SOX5: variants seen among roughly 807,000 people sequenced by gnomAD.
The protein encoded by SOX5 is SRY-box transcription factor 5, also known as transcription factor SOX-5.
In SOX5, 9 loss-of-function variants were observed where a neutral mutation model predicts 92.0. The ratio of observed to expected loss-of-function variants is 0.10; its 90% CI spans 0.06 to 0.17. The LOEUF (loss-of-function observed/expected upper bound fraction) is 0.17, where lower values mean the gene tolerates loss of function less well. Ranked by LOEUF, SOX5 falls within the 10% of genes least tolerant of loss-of-function variation. The pLI, the probability that SOX5 is intolerant of heterozygous loss-of-function variation, is 1.00. For missense variants in SOX5, 642 were observed against 944.5 expected (o/e 0.68, Z 4.20); for synonymous variants, 344 against 336.3 (o/e 1.02, Z -0.25).
chr12:23,779,790 T>A (rs543102442), intron 3 of SOX5, among the ~76,000 whole-genome samples: 19 of 73,902 alleles, frequency 2.6e-4, no homozygotes, highest in African/African-American at 5.9e-4. Flanking sequence ...CAGATTAAAA[T>A]ATATATATAT....
At chr12:23,914,764 T>C (rs1244841135) in intron 1 of SOX5, among the ~76,000 whole-genome samples, 2 of 152,166 alleles carry the variant, frequency 1.3e-5, no homozygotes, top group African/African-American at 4.8e-5. Flanking sequence ...TTAACTTTTT[T>C]ATTATAATAA....
At chr12:23,723,666 A>G (rs1272089402) in intron 6 of SOX5, among the ~76,000 whole-genome samples, 5 of 151,526 alleles carry the variant, frequency 3.3e-5, no homozygotes, top group African/African-American at 1.2e-4. Context: ...ATAAAAGAAA[A>G]GTAAATGATC....
At chr12:24,096,267 A>C (rs1256655788) in intron 4 of SOX5, among the ~76,000 whole-genome samples, 5 of 152,124 alleles carry the variant, frequency 3.3e-5, no homozygotes, top group Non-Finnish European at 5.9e-5. Context: ...TACCTCCCAT[A>C]ACCCCCAAAC....
intron 3 of SOX5, among the ~76,000 whole-genome samples, chr12:23,834,426 G>C (rs1228704952): frequency 6.6e-6 from 1 of 151,772 alleles, no homozygotes; most frequent in African/African-American, 2.4e-5. Flanking sequence ...ATAATAACAC[G>C]AGCAAATCAG....
At chr12:24,114,602 A>AAAAAAG (rs1565464302) in intron 4 of SOX5, among the ~76,000 whole-genome samples, 6 of 147,962 alleles carry the variant, frequency 4.1e-5, no homozygotes, top group African/African-American at 1.0e-4. Flanking sequence ...AAAAAAAAAA[A>AAAAAAG]AAATTAACAG....
At chr12:24,132,863 G>A (rs909122940) in intron 4 of SOX5, among the ~76,000 whole-genome samples, 1 of 152,072 alleles carries the variant, frequency 6.6e-6, no homozygotes, top group Admixed American at 6.6e-5. Flanking sequence ...GCTTTTGCAA[G>A]GGTTTACACA....
intron 1 of SOX5, among the ~76,000 whole-genome samples, chr12:24,400,467 T>A (rs1961259508): frequency 6.6e-6 from 1 of 152,212 alleles, no homozygotes; most frequent in Non-Finnish European, 1.5e-5. Context: ...AACAGCAATG[T>A]TAAAGCAAAA....
At chr12:23,613,455 T>G (rs534549667) in intron 8 of SOX5, among the ~76,000 whole-genome samples, 15 of 152,102 alleles carry the variant, frequency 9.9e-5, no homozygotes, top group Non-Finnish European at 2.2e-4. Flanking sequence ...AATATGGTGG[T>G]TCCTCAAAAA....
intron 8 of SOX5, among the ~76,000 whole-genome samples, chr12:23,639,329 G>A (rs1304098863): frequency 6.6e-6 from 1 of 152,118 alleles, no homozygotes; most frequent in Non-Finnish European, 1.5e-5. Context: ...GAAGAGAGTC[G>A]TGCAATGAAC....
At chr12:24,108,253 T>A (rs1946908979) in intron 4 of SOX5, among the ~76,000 whole-genome samples, 1 of 152,218 alleles carries the variant, frequency 6.6e-6, no homozygotes, top group Admixed American at 6.5e-5. Context: ...TCTGCAGAAA[T>A]CTATTTCACT....
Position 23,549,054 on chromosome 12 carries a change from A to G in SOX5, c.1489-2630T>C, listed in dbSNP as rs189954404. On this transcript the variant is annotated intron_variant, in intron 11 of 14. Coordinates refer to ENST00000451604, the MANE Select transcript of SOX5 (RefSeq NM_006940.6). ...GCACTATCATGTATAAAGCTCAACCATTTGAGGTTCTGTTCTGTGGGTTAA... is the reference window on the plus strand; with the variant it reads ...GCACTATCATGTATAAAGCTCAACCGTTTGAGGTTCTGTTCTGTGGGTTAA... Among the ~76,000 whole-genome samples, 249 of 152,016 alleles carry G rather than the reference A, an allele frequency of 1.6e-3. 1 individual carries two copies. The highest frequency in any genetic ancestry group is 3.2e-3 in the Non-Finnish European group (220 of 67,874).
intron 1 of SOX5, among the ~76,000 whole-genome samples, chr12:24,542,176 T>C (rs1952192207): frequency 6.6e-6 from 1 of 152,330 alleles, no homozygotes; most frequent in Non-Finnish European, 1.5e-5. Context: ...GCCTTGGCCC[T>C]TCTTTTCTGT....
At chr12:24,038,915 C>T (rs961530690) in intron 4 of SOX5, among the ~76,000 whole-genome samples, 1 of 152,184 alleles carries the variant, frequency 6.6e-6, no homozygotes, top group Non-Finnish European at 1.5e-5. Flanking sequence ...ATCTGGACAT[C>T]TAATTAAAAA....
intron 9 of SOX5, chr12:23,603,850 A>T (rs2074889135): frequency 6.6e-6 from 1 of 152,306 alleles, no homozygotes; most frequent in African/African-American, 2.4e-5. Context: ...ATCTAAAATT[A>T]TACCTACACT....
chr12:24,511,999 A>G (rs991517340), intron 1 of SOX5, among the ~76,000 whole-genome samples: 2 of 152,146 alleles, frequency 1.3e-5, no homozygotes, highest in Non-Finnish European at 2.9e-5. Context: ...TTAAATGATA[A>G]TTTGTTATCC....
At chr12:23,938,241 C>T (rs1942989740) in intron 1 of SOX5, among the ~76,000 whole-genome samples, 1 of 150,910 alleles carries the variant, frequency 6.6e-6, no homozygotes, top group Non-Finnish European at 1.5e-5. Context: ...AATAAGGGTT[C>T]TGTTTCTTAG....
At chr12:24,328,113 G>C (rs550337945) in intron 2 of SOX5, among the ~76,000 whole-genome samples, 2 of 152,280 alleles carry the variant, frequency 1.3e-5, no homozygotes, top group Admixed American at 6.5e-5. Context: ...ACCTAAGTCA[G>C]ATTCATTGCC....
intron 1 of SOX5, among the ~76,000 whole-genome samples, chr12:23,909,955 GT>G (rs2097334226): frequency 1.3e-5 from 2 of 150,178 alleles, no homozygotes; most frequent in Admixed American, 1.3e-4. Context: ...TTTGTTTTTT[GT>G]TTTTTGCTGC....
At chr12:24,165,282 G>T (rs1035602439) in intron 4 of SOX5, among the ~76,000 whole-genome samples, 2 of 152,014 alleles carry the variant, frequency 1.3e-5, no homozygotes, top group East Asian at 3.8e-4. Context: ...GGAATTATGG[G>T]CTATGGAGCT....
Sources: allele counts gnomAD v4.1 joint callset (sites outside exome capture counted in the v4.1 genomes callset), GRCh38; gene constraint gnomAD v4.1.1; transcripts MANE v1.5; gene names NCBI Gene and HGNC (gene_info 2026-07-23, HGNC 2026-07-21).